Variants in RPS6KA3 observed in about 807,000 individuals in gnomAD.
RPS6KA3 encodes the protein ribosomal protein S6 kinase alpha-3.
A neutral mutation model predicts 67.2 loss-of-function variants in RPS6KA3; 4 were observed. That is an observed-to-expected ratio of 0.06 (90% CI 0.03 to 0.14). RPS6KA3 has a LOEUF of 0.14. RPS6KA3 is among the 10% of genes least tolerant of loss of function. The probability of loss-of-function intolerance (pLI) is 1.00; values close to 1 mark genes in which losing one functional copy is unlikely to be tolerated. For synonymous variants in RPS6KA3, 182 were observed against 183.7 expected (o/e 0.99, Z 0.07); for missense variants, 204 against 559.0 (o/e 0.36, Z 6.40).
At chrX:20,170,400 T>C (rs1239047191) in intron 15 of RPS6KA3, among the ~76,000 whole-genome samples, 2 of 110,880 alleles carry the variant, frequency 1.8e-5, no homozygotes, top group Non-Finnish European at 3.8e-5. Context: ...AATGGATTTA[T>C]AGTTGACCCT....
At position 20,155,238 on chromosome X, in the gene RPS6KA3, G is replaced by C; in HGVS notation, c.*160C>G. 1.7e-6 allele frequency: 1 copy of C among 590,439 alleles called. No individual in the cohort carries two copies. The highest frequency in any genetic ancestry group is 2.9e-6 in the Non-Finnish European group (1 of 347,845). 48.7% of individuals were successfully genotyped at this position (590,439 alleles called of 1,213,427 possible). A position where few individuals can be genotyped will look rare whatever the true frequency, so the allele number is the denominator to read the frequency against. On this transcript the variant is annotated 3_prime_UTR_variant, in exon 22 of 22. Transcript: ENST00000379565. ...TAACTTGCTAACAATCATTTAAAGC[G>C]AGAAGAGAGGAAAGCAGGAGCAGCA...
rs193126334 is a variant in RPS6KA3 at position 20,238,214 on chromosome X, C to T, written c.70-3400G>A. Among the ~76,000 whole-genome samples, 11 of 111,602 alleles carry T rather than the reference C, an allele frequency of 9.9e-5. No individual in the cohort carries two copies. In the East Asian group the frequency reaches 2.0e-3, roughly 20 times the overall value. On this transcript the variant is annotated intron_variant, in intron 1 of 21. Transcript: ENST00000379565. ...GGTATATGGAATTGCATGTAATTAA[C>T]ATTTCAACCCTCAAACGACCAATGC...
intron 10 of RPS6KA3, among the ~76,000 whole-genome samples, chrX:20,180,928 G>A (rs1165197610): frequency 8.9e-6 from 1 of 112,392 alleles, no homozygotes; most frequent in Non-Finnish European, 1.9e-5. Flanking sequence ...AACAGGGATA[G>A]ATAACAGAAG....
intron 1 of RPS6KA3, among the ~76,000 whole-genome samples, chrX:20,239,928 T>C (rs2069506985): frequency 9.0e-6 from 1 of 111,593 alleles, no homozygotes; most frequent in Non-Finnish European, 1.9e-5. Flanking sequence ...TTAAGCAGAT[T>C]GCTTTGTTGT....
intron 7 of RPS6KA3, among the ~76,000 whole-genome samples, chrX:20,192,569 G>T (rs73447133): frequency 1.0e-5 from 1 of 98,613 alleles, no homozygotes; most frequent in African/African-American, 3.7e-5. Context: ...AAAATTGAAA[G>T]ACTGGAAAAA....
rs2067129054 is a variant in RPS6KA3 at position 20,153,035 on chromosome X, G to A, written c.*2363C>T. 1 of 111,423 alleles carries A rather than the reference G, an allele frequency of 9.0e-6. No homozygotes were observed. Among genetic ancestry groups the A allele is most frequent in the East Asian group, 2.8e-4 (1 of 3,575 alleles). The allele number at this position is 111,423 out of a possible 1,213,427, so 9.2% of individuals were successfully genotyped here. On this transcript the variant is annotated 3_prime_UTR_variant, in exon 22 of 22. Coordinates refer to ENST00000379565, the MANE Select transcript of RPS6KA3 (RefSeq NM_004586.3). ...CATGCAATATGAGAAAGTTGGATTGGGTAATTTATAAGGATTTATGTGTTT... is the reference window on the plus strand; with the variant it reads ...CATGCAATATGAGAAAGTTGGATTGAGTAATTTATAAGGATTTATGTGTTT...
At chrX:20,217,390 GCTAA>G (rs2068882317) in intron 2 of RPS6KA3, among the ~76,000 whole-genome samples, 1 of 112,713 alleles carries the variant, frequency 8.9e-6, no homozygotes, top group African/African-American at 3.2e-5. Flanking sequence ...ATTGTAACAT[GCTAA>G]CTAAGAAAAC....
At chrX:20,199,718 T>C (rs2068373764) in intron 4 of RPS6KA3, among the ~76,000 whole-genome samples, 1 of 111,450 alleles carries the variant, frequency 9.0e-6, no homozygotes, top group African/African-American at 3.3e-5. Context: ...AATACCACTA[T>C]ATAAATTTCA....
chrX:20,266,750 AGCG>A lies in RPS6KA3; in HGVS notation c.-121_-119del, dbSNP rs1232623077. On this transcript the variant is annotated 5_prime_UTR_variant, in exon 1 of 22. Transcript: ENST00000379565. Reference sequence around the variant, plus strand: ...CGGCGGCGGCGGCGGCGGCGGCGGCAGCGGCAGCGGCAGCGGCAGCAGCAGCAG... The same window carrying A: ...CGGCGGCGGCGGCGGCGGCGGCGGCAGCAGCGGCAGCGGCAGCAGCAGCAG... 6 of 19,520 alleles carry A rather than the reference AGCG, an allele frequency of 3.1e-4. No individual in the cohort carries two copies. Among genetic ancestry groups the A allele is most frequent in the African/African-American group, 1.5e-3 (1 of 673 alleles). The allele number at this position is 19,520 out of a possible 1,213,427, so 1.6% of individuals were successfully genotyped here.
chrX:20,195,922 T>G (rs2068262350), intron 4 of RPS6KA3, among the ~76,000 whole-genome samples: 1 of 112,131 alleles, frequency 8.9e-6, no homozygotes, highest in African/African-American at 3.2e-5. Flanking sequence ...TATGAGATAT[T>G]CAATTAAATA....
intron 9 of RPS6KA3, among the ~76,000 whole-genome samples, chrX:20,186,790 G>A (rs1251649827): frequency 8.9e-6 from 1 of 111,884 alleles, no homozygotes; most frequent in Non-Finnish European, 1.9e-5. Context: ...CAATTTTAAA[G>A]TGTAGATATG....
intron 21 of RPS6KA3, 27 bp from the exon 22 acceptor site, chrX:20,155,547 C>A (rs1345732521): frequency 8.3e-7 from 1 of 1,201,913 alleles, no homozygotes; most frequent in Non-Finnish European, 1.1e-6. Flanking sequence ...AAGGTAGTAA[C>A]AAAAGTGACA....
chrX:20,251,159 TCTCA>T (rs2069852816), intron 1 of RPS6KA3, among the ~76,000 whole-genome samples: 2 of 111,546 alleles, frequency 1.8e-5, no homozygotes, highest in Admixed American at 9.5e-5. Flanking sequence ...TGAGATGAGG[TCTCA>T]CTGTGTCGCC....
intron 16 of RPS6KA3, among the ~76,000 whole-genome samples, chrX:20,168,415 C>T (rs758286681): frequency 2.7e-5 from 3 of 111,309 alleles, no homozygotes; most frequent in South Asian, 7.6e-4. Flanking sequence ...ATGAGGCATG[C>T]GCAAGAAATT....
rs756703791 is a variant in RPS6KA3, at chrX:20,181,303, GAAGAA to G, written c.846-4224_846-4220del. Reference sequence around the variant, plus strand: ...AATTAAAAAAGGAAAAACAGGAAGAGAAGAAATCATGTAAAAGAGACCAAAAGGGG... The same window carrying G: ...AATTAAAAAAGGAAAAACAGGAAGAGATCATGTAAAAGAGACCAAAAGGGG... On this transcript the variant is annotated intron_variant, in intron 10 of 21. Transcript: ENST00000379565. 2.9e-4 allele frequency among the ~76,000 whole-genome samples: 32 copies of G among 111,684 alleles called. No homozygotes were observed. In the East Asian group the frequency reaches 9.0e-3, roughly 31 times the overall value.
chrX:20,198,648 A>G (rs753360325), intron 4 of RPS6KA3, among the ~76,000 whole-genome samples: 1 of 112,122 alleles, frequency 8.9e-6, no homozygotes, highest in African/African-American at 3.2e-5. Context: ...AATAAACTAC[A>G]AGGAAAAGAT....
At chrX:20,228,515 T>C (rs1438421226) in intron 2 of RPS6KA3, among the ~76,000 whole-genome samples, 2 of 111,596 alleles carry the variant, frequency 1.8e-5, no homozygotes, top group Non-Finnish European at 3.8e-5. Context: ...TACTTCTTCC[T>C]GTGTCCAAGG....
chrX:20,267,035 A>C (rs963616662), upstream of RPS6KA3: 61 of 751,590 alleles, frequency 8.1e-5, no homozygotes, highest in East Asian at 1.5e-4. Context: ...CGCCTAAGCG[A>C]TACCTGTCTC....
At chrX:20,179,055 C>CAG (rs1397256947) in intron 10 of RPS6KA3, among the ~76,000 whole-genome samples, 1 of 110,892 alleles carries the variant, frequency 9.0e-6, no homozygotes, top group Non-Finnish European at 1.9e-5. Flanking sequence ...TTTCTGAATA[C>CAG]TTTAAGCAGT....
Sources: gnomAD v4.1 joint callset for allele counts (sites outside exome capture counted in the v4.1 genomes callset) on GRCh38, gnomAD v4.1.1 for gene constraint, MANE v1.5 for transcripts, NCBI Gene and HGNC (gene_info 2026-07-23, HGNC 2026-07-21) for gene names.